ENOX2: variants seen among roughly 807,000 people sequenced by gnomAD.
ENOX2 encodes ecto-NOX disulfide-thiol exchanger 2.
In ENOX2, 36 loss-of-function variants were observed where a neutral mutation model predicts 45.0. The observed-to-expected ratio is 0.80, with a 90% CI of 0.61 to 1.06. ENOX2 has a LOEUF of 1.06. ENOX2 is among the 50% of genes least tolerant of loss of function. The pLI, the probability that ENOX2 is intolerant of heterozygous loss-of-function variation, is 0.00. For synonymous variants in ENOX2, 174 were observed against 152.3 expected, an observed-to-expected ratio of 1.14 and a Z score of -1.05; for missense variants, 423 against 462.5, an observed-to-expected ratio of 0.91 and a Z score of 0.78.
At chrX:130,653,494 C>G (rs1017749500) in intron 10 of ENOX2, among the ~76,000 whole-genome samples, 1 of 110,731 alleles carries the variant, frequency 9.0e-6, no homozygotes, top group African/African-American at 3.3e-5. Flanking sequence ...CTTTGAGCCC[C>G]GACCCTTTTA....
chrX:130,646,650 GTGT>G (rs2036244222), intron 10 of ENOX2, among the ~76,000 whole-genome samples: 2 of 112,402 alleles, frequency 1.8e-5, no homozygotes, highest in Admixed American at 9.3e-5. Flanking sequence ...CCTGTGACTT[GTGT>G]TCGTTGGGGA....
chrX:130,787,166 A>AT (rs2076983488), intron 2 of ENOX2, among the ~76,000 whole-genome samples: 1 of 110,650 alleles, frequency 9.0e-6, no homozygotes, highest in African/African-American at 3.3e-5. Context: ...GATGATGAGC[A>AT]TTTTTTCATG....
intron 2 of ENOX2, among the ~76,000 whole-genome samples, chrX:130,900,544 A>T (rs549716461): frequency 1.1e-4 from 12 of 111,758 alleles, no homozygotes; most frequent in African/African-American, 3.9e-4. Flanking sequence ...CTTTTACTCA[A>T]CTATCTGCAC....
At chrX:130,639,312 GGT>G (rs1328863138) in intron 10 of ENOX2, among the ~76,000 whole-genome samples, 4 of 110,686 alleles carry the variant, frequency 3.6e-5, no homozygotes, top group Admixed American at 9.6e-5. Flanking sequence ...TCCCACCAAA[GGT>G]GTGTGTGTGT....
intron 3 of ENOX2, among the ~76,000 whole-genome samples, chrX:130,763,950 G>A (rs180986445): frequency 2.7e-4 from 30 of 110,927 alleles, no homozygotes; most frequent in African/African-American, 9.5e-4. Flanking sequence ...AGGCTTCCTA[G>A]TCCTTTGGCT....
chrX:130,847,216 A>G (rs1355051719), intron 2 of ENOX2, among the ~76,000 whole-genome samples: 1 of 110,471 alleles, frequency 9.1e-6, no homozygotes, highest in Non-Finnish European at 1.9e-5. Flanking sequence ...TTGGTCAGAT[A>G]TACTTAAGAC....
At chrX:130,788,578 TA>T (rs1037074663) in intron 2 of ENOX2, among the ~76,000 whole-genome samples, 1 of 111,625 alleles carries the variant, frequency 9.0e-6, no homozygotes, top group African/African-American at 3.3e-5. Context: ...TTATCTTACC[TA>T]AAATGAAGAC....
intron 5 of ENOX2, among the ~76,000 whole-genome samples, chrX:130,682,385 C>A (rs982512508): frequency 6.5e-5 from 7 of 108,047 alleles, no homozygotes; most frequent in Non-Finnish European, 1.3e-4. Flanking sequence ...GAGATGGAGA[C>A]CATCTTGGCT....
intron 2 of ENOX2, among the ~76,000 whole-genome samples, chrX:130,828,172 T>C (rs776209331): frequency 4.5e-5 from 5 of 111,915 alleles, no homozygotes; most frequent in African/African-American, 1.6e-4. Context: ...AGCAAATATC[T>C]GAGGCAGAAA....
At chrX:130,709,637 CAAAA>C (rs60183563) in intron 3 of ENOX2, among the ~76,000 whole-genome samples, 1 of 30,140 alleles carries the variant, frequency 3.3e-5, no homozygotes, top group Non-Finnish European at 6.3e-5. Context: ...GACTCTGTCT[CAAAA>C]AAAAAAAAAA....
At chrX:130,820,778 G>C (rs1341325593) in intron 2 of ENOX2, among the ~76,000 whole-genome samples, 1 of 112,174 alleles carries the variant, frequency 8.9e-6, no homozygotes, top group Non-Finnish European at 1.9e-5. Context: ...CAGAAGCAGA[G>C]TAGAATGGTG....
intron 2 of ENOX2, among the ~76,000 whole-genome samples, chrX:130,886,996 A>C (rs144929936): frequency 8.9e-6 from 1 of 112,231 alleles, no homozygotes; most frequent in African/African-American, 3.2e-5. Context: ...GTGCACAATT[A>C]AGGGATCGGG....
intron 2 of ENOX2, among the ~76,000 whole-genome samples, chrX:130,845,906 GA>G (rs1031337005): frequency 3.6e-5 from 4 of 112,245 alleles, no homozygotes; most frequent in Non-Finnish European, 5.6e-5. Flanking sequence ...GTAATGTACA[GA>G]AAAAAAGAAA....
chrX:130,891,938 A>G (rs1323354522), intron 2 of ENOX2, among the ~76,000 whole-genome samples: 1 of 111,792 alleles, frequency 8.9e-6, no homozygotes, highest in Non-Finnish European at 1.9e-5. Context: ...GCAGACCTGA[A>G]TTTCTTGAAT....
intron 2 of ENOX2, among the ~76,000 whole-genome samples, chrX:130,808,604 T>C (rs969367435): frequency 8.9e-6 from 1 of 112,032 alleles, no homozygotes; most frequent in South Asian, 3.7e-4. Flanking sequence ...ATATGCAGCG[T>C]TGGAAAGAAA....
intron 6 of ENOX2, among the ~76,000 whole-genome samples, chrX:130,674,281 C>T (rs1188376089): frequency 2.8e-5 from 3 of 107,860 alleles, no homozygotes; most frequent in Admixed American, 9.9e-5. Context: ...CAGGTGCCCC[C>T]GCATCTATAA....
intron 4 of ENOX2, among the ~76,000 whole-genome samples, chrX:130,692,742 G>A (rs903048094): frequency 1.8e-5 from 2 of 108,316 alleles, no homozygotes; most frequent in African/African-American, 3.4e-5. Flanking sequence ...TACCATACCC[G>A]GCTATTTTTT....
At chrX:130,801,780 T>TC (rs2077221107) in intron 2 of ENOX2, among the ~76,000 whole-genome samples, 1 of 111,975 alleles carries the variant, frequency 8.9e-6, no homozygotes, top group Admixed American at 9.5e-5. Context: ...AAATAGAAAC[T>TC]CCAAGAATTA....
chrX:130,764,646 C>G (rs760095801), intron 3 of ENOX2, among the ~76,000 whole-genome samples: 2 of 110,972 alleles, frequency 1.8e-5, no homozygotes, highest in African/African-American at 6.5e-5. Flanking sequence ...AATTTTTTCT[C>G]TAACAACTGA....
Sources: allele counts gnomAD v4.1 joint callset (sites outside exome capture counted in the v4.1 genomes callset), GRCh38; gene constraint gnomAD v4.1.1; transcripts MANE v1.5; gene names NCBI Gene and HGNC (gene_info 2026-07-23, HGNC 2026-07-21).